Variants in PRKG1 observed in about 807,000 individuals in gnomAD.
PRKG1 encodes the protein cGMP-dependent protein kinase 1.
PRKG1 carries 35 observed loss-of-function variants against 88.1 expected under a neutral mutation model. The ratio of observed to expected loss-of-function variants is 0.40; its 90% CI spans 0.30 to 0.53. PRKG1 has a LOEUF of 0.53. Ranked by LOEUF, PRKG1 falls within the 20% of genes least tolerant of loss-of-function variation. The probability of loss-of-function intolerance (pLI) is 0.59; values close to 1 mark genes in which losing one functional copy is unlikely to be tolerated. For synonymous variants in PRKG1, 303 were observed against 292.5 expected, an observed-to-expected ratio of 1.04 and a Z score of -0.37; for missense variants, 540 against 839.8, an observed-to-expected ratio of 0.64 and a Z score of 4.41.
chr10:51,517,521 A>C (rs1841620758), intron 3 of PRKG1, among the ~76,000 whole-genome samples: 1 of 152,214 alleles, frequency 6.6e-6, no homozygotes, highest in South Asian at 2.1e-4. Context: ...TTAATCTGAT[A>C]GTGGTGCCAT....
At chr10:51,662,921 C>A (rs1308314431) in intron 3 of PRKG1, among the ~76,000 whole-genome samples, 1 of 151,946 alleles carries the variant, frequency 6.6e-6, no homozygotes, top group African/African-American at 2.4e-5. Flanking sequence ...TTAGGAGTAG[C>A]ACTAGAATGT....
intron 1 of PRKG1, among the ~76,000 whole-genome samples, chr10:51,120,382 C>T (rs1345642262): frequency 1.3e-5 from 2 of 152,094 alleles, no homozygotes; most frequent in Non-Finnish European, 2.9e-5. Flanking sequence ...AAAAGGTGTA[C>T]AAAGGGATAT....
At chr10:51,527,970 G>A (rs1193554203) in intron 3 of PRKG1, among the ~76,000 whole-genome samples, 1 of 152,166 alleles carries the variant, frequency 6.6e-6, no homozygotes, top group African/African-American at 2.4e-5. Context: ...GTGTTTCCCA[G>A]TTGTGATATA....
rs551313897 is a variant in PRKG1, at chr10:51,502,448, T to A, written c.592+34612T>A. ...ATTTTTCTGTCATTAGAGAGCTGTA[T>A]CTTGAGCTGTTTGCTGATACAAGGA... On this transcript the variant is annotated intron_variant, in intron 3 of 17. Transcript: ENST00000373980. 4.1e-4 allele frequency among the ~76,000 whole-genome samples: 63 copies of A among 152,304 alleles called. 3 individuals carry two copies. In the Middle Eastern group the frequency reaches 0.024, roughly 58 times the overall value.
intron 3 of PRKG1, among the ~76,000 whole-genome samples, chr10:51,784,396 G>A (rs1401893207): frequency 2.0e-5 from 3 of 152,068 alleles, no homozygotes; most frequent in African/African-American, 7.2e-5. Flanking sequence ...CAGCTCGTGT[G>A]TGTTCTGGTG....
intron 2 of PRKG1, among the ~76,000 whole-genome samples, chr10:51,440,705 G>T (rs1359680712): frequency 6.6e-6 from 1 of 151,924 alleles, no homozygotes; most frequent in African/African-American, 2.4e-5. Context: ...AAGCCAGAAG[G>T]TCAAATCATC....
At chr10:51,347,485 G>A (rs1258185583) in intron 2 of PRKG1, among the ~76,000 whole-genome samples, 2 of 152,038 alleles carry the variant, frequency 1.3e-5, no homozygotes, top group Non-Finnish European at 2.9e-5. Flanking sequence ...TGCTTGGTAG[G>A]AAGATGGTTG....
chr10:51,177,478 C>G (rs1273630096), intron 2 of PRKG1, among the ~76,000 whole-genome samples: 2 of 152,110 alleles, frequency 1.3e-5, no homozygotes, highest in African/African-American at 4.8e-5. Context: ...GCTATTTGCT[C>G]TACTCTAAAG....
intron 5 of PRKG1, among the ~76,000 whole-genome samples, chr10:51,930,760 G>A (rs1465808220): frequency 2.0e-5 from 3 of 151,840 alleles, no homozygotes; most frequent in African/African-American, 7.3e-5. Flanking sequence ...CAAAGTGGTG[G>A]GATTACAGGT....
intron 3 of PRKG1, among the ~76,000 whole-genome samples, chr10:51,577,097 T>C (rs554082223): frequency 5.3e-5 from 8 of 152,062 alleles, no homozygotes; most frequent in Non-Finnish European, 1.0e-4. Context: ...TAAAATGTTA[T>C]AGTACAGTGT....
At chr10:51,497,110 C>T (rs1446834290) in intron 3 of PRKG1, among the ~76,000 whole-genome samples, 1 of 152,140 alleles carries the variant, frequency 6.6e-6, no homozygotes, top group East Asian at 1.9e-4. Flanking sequence ...ACAGTACTAG[C>T]TAGTTGTGAT....
chr10:51,864,424 T>C (rs1054416677), intron 4 of PRKG1, among the ~76,000 whole-genome samples: 2 of 152,246 alleles, frequency 1.3e-5, no homozygotes, highest in Non-Finnish European at 2.9e-5. Flanking sequence ...AAGTTTGGAA[T>C]GTATTGAGTT....
intron 1 of PRKG1, among the ~76,000 whole-genome samples, chr10:51,117,967 G>C (rs1482271735): frequency 6.6e-6 from 1 of 152,174 alleles, no homozygotes; most frequent in African/African-American, 2.4e-5. Context: ...AAAGTTAGCT[G>C]TCTCTTGAGG....
At chr10:52,012,386 T>G (rs1844911326) in intron 5 of PRKG1, among the ~76,000 whole-genome samples, 1 of 151,850 alleles carries the variant, frequency 6.6e-6, no homozygotes, top group Non-Finnish European at 1.5e-5. Context: ...GGACTACAGG[T>G]GCCCACCACC....
chr10:51,776,573 C>T (rs1404839326), intron 3 of PRKG1, among the ~76,000 whole-genome samples: 1 of 152,062 alleles, frequency 6.6e-6, no homozygotes, highest in Admixed American at 6.6e-5. Flanking sequence ...GCCTGTAAAC[C>T]CAGTACTTTG....
chr10:51,205,179 G>GC (rs1041794083), intron 2 of PRKG1, among the ~76,000 whole-genome samples: 1 of 76,810 alleles, frequency 1.3e-5, no homozygotes, highest in African/African-American at 4.9e-5. Flanking sequence ...TTGCTCTGTT[G>GC]CCCAGGCGGG....
intron 5 of PRKG1, among the ~76,000 whole-genome samples, chr10:51,946,865 C>G (rs556635033): frequency 1.3e-5 from 2 of 152,132 alleles, no homozygotes; most frequent in African/African-American, 4.8e-5. Flanking sequence ...TGTCAGTCTA[C>G]CCCTACTGGG....
chr10:51,713,290 A>G (rs569473480), intron 3 of PRKG1, among the ~76,000 whole-genome samples: 1 of 152,362 alleles, frequency 6.6e-6, no homozygotes, highest in Non-Finnish European at 1.5e-5. Context: ...ATCTGTAACT[A>G]CATGACAGAA....
intron 3 of PRKG1, among the ~76,000 whole-genome samples, chr10:51,557,756 A>C (rs1200087197): frequency 1.3e-5 from 2 of 152,014 alleles, no homozygotes; most frequent in East Asian, 3.9e-4. Flanking sequence ...TGACCTTAAG[A>C]CCATGCCTCA....
Sources: gnomAD v4.1 joint callset for allele counts (sites outside exome capture counted in the v4.1 genomes callset) on GRCh38, gnomAD v4.1.1 for gene constraint, MANE v1.5 for transcripts, NCBI Gene and HGNC (gene_info 2026-07-23, HGNC 2026-07-21) for gene names.